DAAM1: variants seen among roughly 807,000 people sequenced by gnomAD.
DAAM1 encodes the protein disheveled-associated activator of morphogenesis 1.
In DAAM1, 52 loss-of-function variants were observed where a neutral mutation model predicts 130.0. The ratio of observed to expected loss-of-function variants is 0.40; its 90% confidence interval spans 0.32 to 0.50. DAAM1 has a LOEUF of 0.50. Ranked by LOEUF, DAAM1 falls within the 20% of genes least tolerant of loss-of-function variation. The pLI is 0.61. For missense variants in DAAM1, 1,134 were observed against 1,303.8 expected (o/e 0.87, Z 2.01); for synonymous variants, 452 against 444.5 (o/e 1.02, Z -0.21).
intron 2 of DAAM1, among the ~76,000 whole-genome samples, chr14:59,286,317 C>A (rs1265186636): frequency 1.3e-5 from 2 of 151,996 alleles, no homozygotes; most frequent in Non-Finnish European, 2.9e-5. Context: ...TGCTAAACAC[C>A]TACATCAAAA....
intron 15 of DAAM1, among the ~76,000 whole-genome samples, chr14:59,333,677 C>T (rs151123899): frequency 2.6e-5 from 4 of 152,084 alleles, no homozygotes; most frequent in Admixed American, 6.5e-5. Flanking sequence ...GATTTGAGAA[C>T]GTAGAGAAGT....
At chr14:59,268,727 C>G (rs986472196) in intron 2 of DAAM1, among the ~76,000 whole-genome samples, 2 of 152,186 alleles carry the variant, frequency 1.3e-5, no homozygotes, top group Non-Finnish European at 2.9e-5. Context: ...TTATACCTTT[C>G]GAGAATCAAT....
At chr14:59,275,418 T>C (rs1051555603) in intron 2 of DAAM1, among the ~76,000 whole-genome samples, 2 of 152,064 alleles carry the variant, frequency 1.3e-5, no homozygotes, top group Admixed American at 1.3e-4. Flanking sequence ...CCTGCACGTG[T>C]ACCCCGAACT....
chr14:59,319,590 A>C (rs1477082598), intron 4 of DAAM1, among the ~76,000 whole-genome samples: 1 of 152,202 alleles, frequency 6.6e-6, no homozygotes, highest in Non-Finnish European at 1.5e-5. Flanking sequence ...GAATAGGATG[A>C]AGAAAAGGGA....
chr14:59,339,089 A>G lies in DAAM1; in HGVS notation c.1969-985A>G, dbSNP rs576580884. ...CGAGGCTTAGTAGGAAAGTACGTAGAATTTTTAGAACTTAAACAGACTTTA... is the reference window on the plus strand; with the variant it reads ...CGAGGCTTAGTAGGAAAGTACGTAGGATTTTTAGAACTTAAACAGACTTTA... On this transcript the variant is annotated intron_variant, in intron 15 of 24. Coordinates refer to ENST00000360909, the MANE Select transcript of DAAM1 (RefSeq NM_001270520.2). Among the ~76,000 whole-genome samples, 9 of 152,282 alleles carry G rather than the reference A, an allele frequency of 5.9e-5. No individual in the cohort carries two copies. The East Asian group carries it at 1.7e-3, about 29-fold the overall frequency.
At chr14:59,353,097 G>A (rs898522574) in intron 18 of DAAM1, among the ~76,000 whole-genome samples, 2 of 152,124 alleles carry the variant, frequency 1.3e-5, no homozygotes, top group African/African-American at 4.8e-5. Flanking sequence ...CATGACACAT[G>A]CAGACATCAC....
At chr14:59,243,943 CTTCT>C (rs1881239164) in intron 1 of DAAM1, among the ~76,000 whole-genome samples, 1 of 152,138 alleles carries the variant, frequency 6.6e-6, no homozygotes. Context: ...CTTCCTTTTA[CTTCT>C]TTCTATTTGA....
At chr14:59,296,749 GT>G in intron 3 of DAAM1, among the ~76,000 whole-genome samples, 1 of 152,180 alleles carries the variant, frequency 6.6e-6, no homozygotes, top group Non-Finnish European at 1.5e-5. Context: ...CATTTGAGCT[GT>G]GTTCACATGC....
At chr14:59,323,403 T>C (rs1885094225) in intron 6 of DAAM1, among the ~76,000 whole-genome samples, 178 bp downstream of exon 6, 1 of 152,218 alleles carries the variant, frequency 6.6e-6, no homozygotes, top group Non-Finnish European at 1.5e-5. Context: ...TAGAGTATAC[T>C]TTCAATAGTT....
intron 1 of DAAM1, among the ~76,000 whole-genome samples, chr14:59,254,742 T>C (rs1218485674): frequency 6.6e-6 from 1 of 152,204 alleles, no homozygotes; most frequent in African/African-American, 2.4e-5. Context: ...AACCTTGTTA[T>C]ATTGGCTTTA....
chr14:59,280,553 T>TTG (rs1883165066), intron 2 of DAAM1, among the ~76,000 whole-genome samples: 1 of 148,098 alleles, frequency 6.8e-6, no homozygotes, highest in Non-Finnish European at 1.5e-5. Flanking sequence ...TTTTTTTTTT[T>TTG]TTTTTCATTT....
At chr14:59,315,480 A>G in intron 4 of DAAM1, 129 bp downstream of exon 4, 2 of 832,460 alleles carry the variant, frequency 2.4e-6, no homozygotes, top group Middle Eastern at 4.8e-4. Flanking sequence ...CTCCATCCTA[A>G]ACATTCAATG....
chr14:59,229,325 A>C (rs1383154661), intron 1 of DAAM1, among the ~76,000 whole-genome samples: 1 of 152,208 alleles, frequency 6.6e-6, no homozygotes, highest in Non-Finnish European at 1.5e-5. Context: ...CTTTAGTCCT[A>C]AACTGTAACT....
At chr14:59,338,897 G>T (rs982332726) in intron 15 of DAAM1, among the ~76,000 whole-genome samples, 2 of 152,096 alleles carry the variant, frequency 1.3e-5, no homozygotes, top group Non-Finnish European at 2.9e-5. Flanking sequence ...TGCTTGATAT[G>T]CTTAGTGTCT....
intron 15 of DAAM1, among the ~76,000 whole-genome samples, chr14:59,333,931 C>G (rs1885534372): frequency 6.6e-6 from 1 of 152,188 alleles, no homozygotes; most frequent in Admixed American, 6.5e-5. Flanking sequence ...GTAATTGTCT[C>G]CTAGCAACCA....
chr14:59,294,511 C>G (rs1883874629), intron 3 of DAAM1, among the ~76,000 whole-genome samples: 1 of 151,414 alleles, frequency 6.6e-6, no homozygotes, highest in Admixed American at 6.6e-5. Flanking sequence ...AAATCTAAAA[C>G]TTACCGGACT....
intron 1 of DAAM1, among the ~76,000 whole-genome samples, chr14:59,202,331 G>C (rs190498174): frequency 3.0e-4 from 45 of 152,264 alleles, no homozygotes; most frequent in Admixed American, 2.7e-3. Context: ...GTGACCCAAG[G>C]GGGTGGGAGA....
chr14:59,296,402 T>C (rs1283655749), intron 3 of DAAM1, among the ~76,000 whole-genome samples: 1 of 152,180 alleles, frequency 6.6e-6, no homozygotes, highest in Non-Finnish European at 1.5e-5. Context: ...GTTTGATGTG[T>C]ATTGAGTATC....
intron 1 of DAAM1, among the ~76,000 whole-genome samples, chr14:59,194,453 T>C (rs895891160): frequency 3.9e-5 from 6 of 152,214 alleles, no homozygotes; most frequent in Admixed American, 3.9e-4. Context: ...CTAAATCTGT[T>C]TGGAGCCTGT....
Sources: allele counts gnomAD v4.1 joint callset (sites outside exome capture counted in the v4.1 genomes callset), GRCh38; gene constraint gnomAD v4.1.1; transcripts MANE v1.5; gene names NCBI Gene and HGNC (gene_info 2026-07-23, HGNC 2026-07-21).